The following PIR variants were observed in gnomAD, a reference collection of about 807,000 sequenced individuals.
The protein encoded by PIR is pirin (iron-binding nuclear protein).
In PIR, 22 loss-of-function variants were observed where a neutral mutation model predicts 24.2. The ratio of observed to expected loss-of-function variants is 0.91; its 90% confidence interval spans 0.65 to 1.30. PIR has a LOEUF of 1.30. Ranked by LOEUF, PIR falls within the 50% of genes most tolerant of loss-of-function variation. The pLI, the probability that PIR is intolerant of heterozygous loss-of-function variation, is 0.00. For missense variants in PIR, 220 were observed against 220.3 expected, an observed-to-expected ratio of 1.00 and a Z score of 0.01; for synonymous variants, 80 against 79.6, an observed-to-expected ratio of 1.00 and a Z score of -0.03.
intron 1 of PIR, among the ~76,000 whole-genome samples, chrX:15,492,751 C>T (rs760289785): frequency 9.0e-6 from 1 of 111,700 alleles, no homozygotes; most frequent in East Asian, 2.8e-4. Context: ...TTCAGAAGGG[C>T]TCTACTCCAC....
intron 9 of PIR, among the ~76,000 whole-genome samples, chrX:15,389,638 C>T (rs1020450927): frequency 9.0e-6 from 1 of 111,584 alleles, no homozygotes; most frequent in Non-Finnish European, 1.9e-5. Context: ...TTGAAGTAAT[C>T]GTTATGGGTA....
chrX:15,476,164 T>C (rs1445146385), intron 3 of PIR, among the ~76,000 whole-genome samples: 3 of 112,074 alleles, frequency 2.7e-5, no homozygotes, highest in Non-Finnish European at 5.6e-5. Flanking sequence ...ATAACACTGC[T>C]GGTTCATGGG....
At chrX:15,475,500 T>A (rs115381884) in intron 3 of PIR, among the ~76,000 whole-genome samples, 2,002 of 111,186 alleles carry the variant, frequency 0.018, 38 homozygotes, top group African/African-American at 0.062. Context: ...GACTGAGAGG[T>A]TCCTGGGGAC....
intron 5 of PIR, 133 bp downstream of exon 5, chrX:15,455,715 C>T: frequency 1.9e-6 from 1 of 527,565 alleles, no homozygotes; most frequent in Non-Finnish European, 3.2e-6. Context: ...TGCACTTATT[C>T]TGACAACTAT....
chrX:15,482,181 G>A (rs772080814), intron 2 of PIR, among the ~76,000 whole-genome samples: 2 of 111,596 alleles, frequency 1.8e-5, no homozygotes, highest in African/African-American at 6.5e-5. Context: ...GTAACATTTC[G>A]ACCAACAACC....
intron 7 of PIR, among the ~76,000 whole-genome samples, chrX:15,403,993 C>CTTT (rs151011282): frequency 3.3e-5 from 3 of 89,908 alleles, no homozygotes; most frequent in Non-Finnish European, 4.5e-5. Context: ...CCAGCATTTT[C>CTTT]TTTTTTTTTT....
chrX:15,468,437 C>G lies in PIR; in HGVS notation c.190-8697G>C, dbSNP rs143731590. Among the ~76,000 whole-genome samples the G allele has an allele frequency of 3.8e-3, 425 of 112,767 alleles. 1 individual carries two copies. Among genetic ancestry groups the G allele is most frequent in the African/African-American group, 0.013 (395 of 31,077 alleles). ...CCTAAGAATGAAGTGCCTGAAAACACTTGTTTGCACATATGGTCTTGGGCA... is the reference window on the plus strand; with the variant it reads ...CCTAAGAATGAAGTGCCTGAAAACAGTTGTTTGCACATATGGTCTTGGGCA... On this transcript the variant is annotated intron_variant, in intron 3 of 9. Coordinates refer to ENST00000380420, the MANE Select transcript of PIR (RefSeq NM_001018109.3).
chrX:15,422,142 C>T (rs996318527), intron 6 of PIR, among the ~76,000 whole-genome samples: 5 of 110,679 alleles, frequency 4.5e-5, no homozygotes, highest in Admixed American at 1.9e-4. Flanking sequence ...ATAGAATGAA[C>T]GTACCTCAAA....
At chrX:15,466,577 AG>A (rs1312750941) in intron 3 of PIR, among the ~76,000 whole-genome samples, 2 of 112,036 alleles carry the variant, frequency 1.8e-5, no homozygotes, top group African/African-American at 6.5e-5. Flanking sequence ...TTGGAGGCTC[AG>A]TCTCCTCATG....
At chrX:15,469,814 A>G (rs748818500) in intron 3 of PIR, among the ~76,000 whole-genome samples, 1 of 111,391 alleles carries the variant, frequency 9.0e-6, no homozygotes, top group East Asian at 2.8e-4. Flanking sequence ...AATCAACCTA[A>G]CCCATTTCCT....
intron 3 of PIR, among the ~76,000 whole-genome samples, chrX:15,467,441 C>A (rs182561792): frequency 1.8e-5 from 2 of 112,418 alleles, no homozygotes; most frequent in East Asian, 5.6e-4. Flanking sequence ...GGATTTCACA[C>A]AGGTAACAAG....
chrX:15,471,652 A>T (rs746597407), intron 3 of PIR, among the ~76,000 whole-genome samples: 2 of 111,721 alleles, frequency 1.8e-5, no homozygotes, highest in Non-Finnish European at 3.8e-5. Context: ...AGAGAGTCAA[A>T]TCTTACTTAT....
chrX:15,466,856 A>T (rs1921625887), intron 3 of PIR, among the ~76,000 whole-genome samples: 1 of 111,976 alleles, frequency 8.9e-6, no homozygotes, highest in African/African-American at 3.2e-5. Context: ...GGCCACCTCC[A>T]ACCAGCCCAT....
chrX:15,467,470 A>G (rs1367573099), intron 3 of PIR, among the ~76,000 whole-genome samples: 1 of 112,204 alleles, frequency 8.9e-6, no homozygotes. Flanking sequence ...GCCAACTTCA[A>G]TGGCTTCAGG....
chrX:15,434,162 G>A (rs769084189), intron 5 of PIR, among the ~76,000 whole-genome samples: 5 of 89,869 alleles, frequency 5.6e-5, no homozygotes, highest in African/African-American at 1.7e-4. Context: ...AAAGAAGAAG[G>A]AGGAGAAAGA....
intron 2 of PIR, among the ~76,000 whole-genome samples, chrX:15,483,986 C>G (rs997175741): frequency 8.9e-6 from 1 of 112,135 alleles, no homozygotes; most frequent in African/African-American, 3.2e-5. Flanking sequence ...TTCTTTGTAT[C>G]GAAGAGTTTT....
At chrX:15,441,545 C>T (rs1024097081) in intron 5 of PIR, among the ~76,000 whole-genome samples, 61 of 110,933 alleles carry the variant, frequency 5.5e-4, no homozygotes, top group African/African-American at 1.8e-3. Flanking sequence ...CATGGCTAAG[C>T]GTCCGACTCT....
chrX:15,413,435 A>G (rs1483785172), intron 6 of PIR, among the ~76,000 whole-genome samples: 2 of 111,888 alleles, frequency 1.8e-5, no homozygotes, highest in African/African-American at 6.5e-5. Flanking sequence ...TCATGGCATT[A>G]AGGATGCTGT....
At chrX:15,445,852 C>T (rs1452434284) in intron 5 of PIR, among the ~76,000 whole-genome samples, 1 of 60,319 alleles carries the variant, frequency 1.7e-5, no homozygotes, top group Non-Finnish European at 2.7e-5. Context: ...TTTTTTGAGA[C>T]GGAGTCTCGC....
Sources: allele counts gnomAD v4.1 joint callset (sites outside exome capture counted in the v4.1 genomes callset), GRCh38; gene constraint gnomAD v4.1.1; transcripts MANE v1.5; gene names NCBI Gene and HGNC (gene_info 2026-07-23, HGNC 2026-07-21).